CPVL: variants seen among roughly 807,000 people sequenced by gnomAD.
The protein encoded by CPVL is probable serine carboxypeptidase CPVL.
CPVL carries 51 observed loss-of-function variants against 63.7 expected under a neutral mutation model. The observed-to-expected ratio is 0.80, with a 90% CI of 0.64 to 1.01. The LOEUF (loss-of-function observed/expected upper bound fraction) is 1.01, where lower values mean the gene tolerates loss of function less well. CPVL is among the 50% of genes least tolerant of loss of function. CPVL has a pLI of 0.00. For missense variants in CPVL, 530 were observed against 573.1 expected (o/e 0.92, Z 0.77); for synonymous variants, 195 against 206.0 (o/e 0.95, Z 0.46).
At chr7:29,147,742 T>C (rs972538858), upstream of CPVL, among the ~76,000 whole-genome samples, 9 of 152,194 alleles carry the variant, frequency 5.9e-5, no homozygotes, top group African/African-American at 2.2e-4. Flanking sequence ...CCACCTTTAA[T>C]ATATGCAGGA....
chr7:29,089,981 G>A (rs978906119), intron 6 of CPVL, among the ~76,000 whole-genome samples: 1 of 151,874 alleles, frequency 6.6e-6, no homozygotes, highest in African/African-American at 2.4e-5. Context: ...TCCTGCCTCA[G>A]CCTCCCAAGT....
chr7:29,094,657 G>T (rs1186568056), intron 5 of CPVL, among the ~76,000 whole-genome samples: 2 of 152,054 alleles, frequency 1.3e-5, no homozygotes, highest in Non-Finnish European at 2.9e-5. Flanking sequence ...GACCAGACTG[G>T]CTAACATGGT....
At chr7:29,112,936 C>G in intron 2 of CPVL, 114 bp from the exon 3 acceptor site, 1 of 717,776 alleles carries the variant, frequency 1.4e-6, no homozygotes, top group East Asian at 2.7e-5. Context: ...TAAAAGGGAA[C>G]TGGTATGACA....
rs555274684 is a variant in CPVL at position 29,082,905 on chromosome 7, C to T, written c.609+3579G>A. Among the ~76,000 whole-genome samples, 95 of 152,304 alleles carry T rather than the reference C, an allele frequency of 6.2e-4. 1 individual carries two copies. In the South Asian group the frequency reaches 0.012, roughly 20 times the overall value. On this transcript the variant is annotated intron_variant, in intron 7 of 12. Transcript: ENST00000265394. ...ATTATTTCCAAGACAAGGCATTACA[C>T]ACGAAGTAGACCACTCTTCTGTGGG...
chr7:29,014,530 G>A (rs867260416), intron 12 of CPVL, among the ~76,000 whole-genome samples: 1 of 151,318 alleles, frequency 6.6e-6, no homozygotes, highest in Non-Finnish European at 1.5e-5. Context: ...TAGGGACAGA[G>A]TCTTACTATC....
chr7:29,017,986 CCATTAAATA>C (rs1274789312), intron 12 of CPVL, among the ~76,000 whole-genome samples: 1 of 152,136 alleles, frequency 6.6e-6, no homozygotes, highest in Non-Finnish European at 1.5e-5. Context: ...TTCATTCCAG[CCATTAAATA>C]CAACCTAGCC....
chr7:29,135,670 A>G (rs1158323723), intron 1 of CPVL, among the ~76,000 whole-genome samples: 3 of 152,150 alleles, frequency 2.0e-5, no homozygotes, highest in East Asian at 1.9e-4. Flanking sequence ...TCAGAAATAC[A>G]TAAGAGTTAT....
Position 29,030,706 on chromosome 7 carries a change from C to G in CPVL, c.1191G>C (p.Glu397Asp). The G allele has an allele frequency of 1.2e-6, 2 of 1,613,530 alleles. No homozygotes were observed. Among genetic ancestry groups the G allele is most frequent in the Non-Finnish European group, 1.7e-6 (2 of 1,179,780 alleles). ...TCCAGTCCATGCCCATCAAGGAGCGCTCTGTCAGGGCAGCTGCCACGATGA... is the reference window on the plus strand; with the variant it reads ...TCCAGTCCATGCCCATCAAGGAGCGGTCTGTCAGGGCAGCTGCCACGATGA... The part of the protein sequence containing the change: ...LDIIVAAALT[E>D]RSLMGMDWKG... The change falls in exon 12 of 13, where the codon GAG (glutamate) becomes GAC (aspartate). Residue 397 changes from glutamate (E) to aspartate (D), a missense_variant. Coordinates refer to ENST00000265394, the MANE Select transcript of CPVL (RefSeq NM_031311.5).
At chr7:29,182,771 T>C (rs1057478126) in intron 4 of CPVL, among the ~76,000 whole-genome samples, 45 of 152,276 alleles carry the variant, frequency 3.0e-4, no homozygotes, top group African/African-American at 9.9e-4. Context: ...CCAAGGAGAA[T>C]TGGAGGTAGG....
intron 5 of CPVL, among the ~76,000 whole-genome samples, chr7:29,155,704 C>T (rs1184368964): frequency 1.3e-5 from 2 of 152,170 alleles, no homozygotes; most frequent in African/African-American, 4.8e-5. Context: ...AAATCCTGTC[C>T]TTTAGCAAGG....
At chr7:29,175,766 A>T (rs1797239062) in intron 5 of CPVL, among the ~76,000 whole-genome samples, 1 of 152,224 alleles carries the variant, frequency 6.6e-6, no homozygotes, top group South Asian at 2.1e-4. Context: ...ACAAAACAAA[A>T]AAACAGTGAA....
chr7:29,114,399 G>C (rs926886403), intron 2 of CPVL, among the ~76,000 whole-genome samples: 2 of 152,162 alleles, frequency 1.3e-5, no homozygotes, highest in Non-Finnish European at 2.9e-5. Flanking sequence ...TGCAGAGTTT[G>C]TTCCTTCCCC....
At chr7:29,144,388 C>G (rs1396578236) in intron 1 of CPVL, among the ~76,000 whole-genome samples, 1 of 152,082 alleles carries the variant, frequency 6.6e-6, no homozygotes, top group Admixed American at 6.6e-5. Flanking sequence ...TGGCAAAACC[C>G]CATCTCTACC....
rs148266761 is a variant in CPVL, at chr7:29,169,880, G to GTGTGTGTGTGTGTA, written c.-11+11409_-11+11410insTACACACACACACA. ...TATATACGTGTGTGTGTGTGTGTGT[G>GTGTGTGTGTGTGTA]TATATATATATGTATATACAGGTTG... On this transcript the variant is annotated intron_variant, in intron 5 of 16. Transcript: ENST00000409850. Among the ~76,000 whole-genome samples the GTGTGTGTGTGTGTA allele has an allele frequency of 2.0e-5, 3 of 150,044 alleles. No homozygotes were observed. In the East Asian group the frequency reaches 5.9e-4, roughly 30 times the overall value.
At chr7:29,176,022 T>A (rs1797276016) in intron 5 of CPVL, among the ~76,000 whole-genome samples, 2 of 151,944 alleles carry the variant, frequency 1.3e-5, no homozygotes, top group African/African-American at 4.8e-5. Context: ...CCGTCTCTAC[T>A]AAAAATACAA....
At chr7:29,194,438 A>T (rs1263672927) in intron 1 of CPVL, 1 of 153,122 alleles carries the variant, frequency 6.5e-6, no homozygotes, top group East Asian at 1.9e-4. Flanking sequence ...GCGCGAGCGG[A>T]GTTGGGGCGG....
chr7:29,110,440 G>A (rs140531614), intron 3 of CPVL, among the ~76,000 whole-genome samples: 1 of 152,286 alleles, frequency 6.6e-6, no homozygotes, highest in Non-Finnish European at 1.5e-5. Flanking sequence ...TTTCAGCCAG[G>A]AGCTTCAGGC....
chr7:29,089,095 T>TTG (rs1439985932), intron 6 of CPVL, among the ~76,000 whole-genome samples: 2 of 152,226 alleles, frequency 1.3e-5, no homozygotes, highest in Non-Finnish European at 2.9e-5. Context: ...TTTGGCCACC[T>TTG]TGCTGGCATT....
intron 1 of CPVL, among the ~76,000 whole-genome samples, chr7:29,143,363 C>T (rs1792106822): frequency 6.6e-6 from 1 of 152,210 alleles, no homozygotes; most frequent in South Asian, 2.1e-4. Flanking sequence ...AATCAATACC[C>T]TGGCTTCTAA....
Sources: gnomAD v4.1 joint callset for allele counts (sites outside exome capture counted in the v4.1 genomes callset) on GRCh38, gnomAD v4.1.1 for gene constraint, MANE v1.5 for transcripts, NCBI Gene and HGNC (gene_info 2026-07-23, HGNC 2026-07-21) for gene names.